Variants in GTF2E2 observed in about 807,000 individuals in gnomAD.
The protein encoded by GTF2E2 is general transcription factor IIE subunit 2.
A neutral mutation model predicts 40.5 loss-of-function variants in GTF2E2; 21 were observed. The observed-to-expected ratio is 0.52, with a 90% confidence interval of 0.37 to 0.75. The LOEUF (loss-of-function observed/expected upper bound fraction) is 0.75. Among genes scored for constraint, GTF2E2 ranks in the 30% least tolerant of loss-of-function variants. The pLI is 0.00. For synonymous variants in GTF2E2, 117 were observed against 121.6 expected, an observed-to-expected ratio of 0.96 and a Z score of 0.25; for missense variants, 298 against 338.4, an observed-to-expected ratio of 0.88 and a Z score of 0.94.
intron 5 of GTF2E2, among the ~76,000 whole-genome samples, chr8:30,611,861 G>C (rs1255384171): frequency 6.6e-6 from 1 of 152,222 alleles, no homozygotes; most frequent in African/African-American, 2.4e-5. Flanking sequence ...AATGTCATCT[G>C]TATCAGTAGG....
intron 2 of GTF2E2, among the ~76,000 whole-genome samples, chr8:30,646,308 A>T (rs1362115242): frequency 1.3e-5 from 2 of 152,074 alleles, no homozygotes; most frequent in African/African-American, 4.8e-5. Flanking sequence ...TCTCTTATTT[A>T]TACTCTCAAA....
intron 3 of GTF2E2, among the ~76,000 whole-genome samples, chr8:30,629,410 C>G (rs1010725431): frequency 3.3e-5 from 5 of 151,974 alleles, no homozygotes; most frequent in African/African-American, 1.2e-4. Flanking sequence ...TTTTTAAAAA[C>G]AGACTGTTGC....
At chr8:30,645,572 GAA>G (rs1316100214) in intron 2 of GTF2E2, 2 of 1,535,466 alleles carry the variant, frequency 1.3e-6, no homozygotes, top group African/African-American at 2.7e-5. Flanking sequence ...GACAACATCA[GAA>G]AACGTGAAAC....
At chr8:30,629,274 C>G (rs1801371014) in intron 3 of GTF2E2, among the ~76,000 whole-genome samples, 1 of 152,100 alleles carries the variant, frequency 6.6e-6, no homozygotes, top group South Asian at 2.1e-4. Flanking sequence ...TGTCTATGAG[C>G]CAGTCATTTA....
At chr8:30,583,476 CTCAA>C (rs1316070482) in intron 6 of GTF2E2, among the ~76,000 whole-genome samples, 6 of 151,974 alleles carry the variant, frequency 3.9e-5, no homozygotes, top group Admixed American at 6.5e-5. Flanking sequence ...ACTTCCTGGG[CTCAA>C]TCAATCTTCC....
chr8:30,601,153 T>C (rs1020605810), intron 6 of GTF2E2, among the ~76,000 whole-genome samples: 2 of 152,220 alleles, frequency 1.3e-5, no homozygotes, highest in African/African-American at 4.8e-5. Flanking sequence ...GGCTGTTCCC[T>C]CTGGTGTCTC....
At chr8:30,590,696 T>A (rs73245347) in intron 6 of GTF2E2, among the ~76,000 whole-genome samples, 1 of 143,104 alleles carries the variant, frequency 7.0e-6, no homozygotes, top group African/African-American at 2.9e-5. Context: ...ATCAAAAACT[T>A]TTTTTTTTTT....
At chr8:30,596,182 T>TCC (rs2151115853) in intron 6 of GTF2E2, among the ~76,000 whole-genome samples, 1 of 152,346 alleles carries the variant, frequency 6.6e-6, no homozygotes, top group South Asian at 2.1e-4. Context: ...ATCTTTGGTG[T>TCC]CCATCATTAA....
chr8:30,585,837 A>G (rs1238076675), intron 6 of GTF2E2, among the ~76,000 whole-genome samples: 1 of 146,958 alleles, frequency 6.8e-6, no homozygotes, highest in Non-Finnish European at 1.5e-5. Flanking sequence ...GTAATTCCAG[A>G]GCTTAGGGAG....
chr8:30,580,481 TC>T (rs1405857219), intron 6 of GTF2E2, 85 bp from the exon 7 acceptor site: 5 of 766,738 alleles, frequency 6.5e-6, no homozygotes, highest in East Asian at 2.5e-5. Flanking sequence ...CAGTGTTATC[TC>T]CTCTGGATCC....
intron 2 of GTF2E2, among the ~76,000 whole-genome samples, chr8:30,641,351 A>ATT (rs1220893650): frequency 6.6e-6 from 1 of 152,076 alleles, no homozygotes. Context: ...TTATTATTAA[A>ATT]AGCGTAATTT....
intron 6 of GTF2E2, among the ~76,000 whole-genome samples, chr8:30,587,283 C>T (rs1828709919): frequency 6.6e-6 from 1 of 151,986 alleles, no homozygotes; most frequent in South Asian, 2.1e-4. Context: ...TTTGGCAGTA[C>T]ATATCTGCAG....
intron 2 of GTF2E2, among the ~76,000 whole-genome samples, chr8:30,647,282 T>A (rs946207483): frequency 3.3e-5 from 5 of 152,150 alleles, no homozygotes; most frequent in African/African-American, 1.2e-4. Context: ...TCTGTTCTTT[T>A]CAATTTAAAG....
chr8:30,640,738 T>C (rs921874070), intron 2 of GTF2E2, among the ~76,000 whole-genome samples: 13 of 152,192 alleles, frequency 8.5e-5, no homozygotes, highest in African/African-American at 2.9e-4. Context: ...GGAGTCTCAC[T>C]CTATCGCCCA....
At chr8:30,638,809 T>C (rs969785752) in intron 2 of GTF2E2, among the ~76,000 whole-genome samples, 2 of 152,262 alleles carry the variant, frequency 1.3e-5, no homozygotes, top group African/African-American at 4.8e-5. Flanking sequence ...ATATGAAGAC[T>C]GCCTTGTGCT....
In GTF2E2 at chr8:30,612,417, T is replaced by C. The variant is rs368609280; in HGVS notation, c.431A>G (p.Asn144Ser). ...DGKYAFKPKY[N>S]VRDKKALLRL... ...AAGTAGGGCCTTCTTATCTCTCACG[T>C]TGTACTTGGGCTTGAAAGCATACTT... Residue 144 changes from asparagine (N) to serine (S), a missense_variant, in exon 5 of 8, where the codon AAC (asparagine) becomes AGC (serine). By Grantham distance (46) the Asn-to-Ser change is conservative (BLOSUM62 1). Transcript: ENST00000355904. 6.2e-7 allele frequency: 1 copy of C among 1,612,746 alleles called. No homozygotes were observed. Among genetic ancestry groups the C allele is most frequent in the Non-Finnish European group, 8.5e-7 (1 of 1,178,858 alleles).
At chr8:30,597,206 T>C (rs571372187) in intron 6 of GTF2E2, 1 of 152,366 alleles carries the variant, frequency 6.6e-6, no homozygotes, top group East Asian at 1.9e-4. Flanking sequence ...CATATTCCTG[T>C]CCCTCGCCAA....
At chr8:30,652,976 A>G (rs141016502) in intron 2 of GTF2E2, among the ~76,000 whole-genome samples, 4 of 152,326 alleles carry the variant, frequency 2.6e-5, no homozygotes, top group Admixed American at 6.5e-5. Flanking sequence ...CTTACTGTAC[A>G]ATTTCATTTA....
chr8:30,605,689 G>A (rs1242147495), intron 6 of GTF2E2, among the ~76,000 whole-genome samples: 1 of 151,698 alleles, frequency 6.6e-6, no homozygotes, highest in Non-Finnish European at 1.5e-5. Flanking sequence ...TAAAGGCAGA[G>A]TCTCACTCTG....
Sources: gnomAD v4.1 joint callset for allele counts (sites outside exome capture counted in the v4.1 genomes callset) on GRCh38, gnomAD v4.1.1 for gene constraint, MANE v1.5 for transcripts, NCBI Gene and HGNC (gene_info 2026-07-23, HGNC 2026-07-21) for gene names.